Variants in BBS1 observed in about 807,000 individuals in gnomAD.
BBS1 encodes BBSome complex member BBS1.
In BBS1, 60 loss-of-function variants were observed where a neutral mutation model predicts 73.9. The ratio of observed to expected loss-of-function variants is 0.81; its 90% confidence interval spans 0.66 to 1.01. The LOEUF is 1.01. Ranked by LOEUF, BBS1 falls within the 50% of genes least tolerant of loss-of-function variation. BBS1 has a pLI of 0.00. For synonymous variants in BBS1, 283 were observed against 317.4 expected, an observed-to-expected ratio of 0.89 and a Z score of 1.15; for missense variants, 718 against 770.3, an observed-to-expected ratio of 0.93 and a Z score of 0.80.
At chr11:66,515,770 A>C (rs1565282055) in intron 6 of BBS1, 39 bp downstream of exon 6, 2 of 1,613,982 alleles carry the variant, frequency 1.2e-6, no homozygotes, top group Non-Finnish European at 1.7e-6. Context: ...GGGAGGCTCC[A>C]GGGAGAGGAA....
rs750944245 is a variant in BBS1, at chr11:66,531,941, T to C, written c.1696-10T>C. 3 of 1,580,428 alleles carry C rather than the reference T, an allele frequency of 1.9e-6. No individual in the cohort carries two copies. Among genetic ancestry groups the C allele is most frequent in the Non-Finnish European group, 2.6e-6 (3 of 1,163,730 alleles). On this transcript the variant is annotated splice_polypyrimidine_tract_variant and intron_variant, in intron 16 of 16. Transcript: ENST00000318312. ...GTATGCCCCCTGCTGCCATGGCCACTCCTCCATAGGTGCTGGTGCTTCGAG... is the reference window on the plus strand; with the variant it reads ...GTATGCCCCCTGCTGCCATGGCCACCCCTCCATAGGTGCTGGTGCTTCGAG...
chr11:66,523,921 T>C (rs757863236), intron 11 of BBS1, 39 bp downstream of exon 11: 1 of 1,610,014 alleles, frequency 6.2e-7, no homozygotes, highest in Non-Finnish European at 8.5e-7. Flanking sequence ...CACTCCTCCT[T>C]GCCCTCGTCT....
chr11:66,526,228 C>A, intron 12 of BBS1, 36 bp downstream of exon 12: 3 of 1,597,506 alleles, frequency 1.9e-6, no homozygotes, highest in South Asian at 2.2e-5. Context: ...GCTTTGAAGT[C>A]GGGAGTGAAG....
chr11:66,529,982 G>A, intron 14 of BBS1, 30 bp downstream of exon 14: 2 of 1,585,858 alleles, frequency 1.3e-6, no homozygotes, highest in Admixed American at 1.7e-5. Flanking sequence ...CAGAGTCAGG[G>A]CCAGAGGGGC....
At chr11:66,512,016 ATATGTG>A (rs1259910309) in intron 3 of BBS1, among the ~76,000 whole-genome samples, 10 of 146,910 alleles carry the variant, frequency 6.8e-5, no homozygotes, top group African/African-American at 2.5e-4. Flanking sequence ...ATATATATAT[ATATGTG>A]TATATATATG....
rs1275517627 is a variant in BBS1 at position 66,518,034 on chromosome 11, C to T, written c.592-1583C>T. ...GTGCAATGGCGCAATCTCAGCTCAT[C>T]GCAACCTCCGCCTCCTGGGTTCAAG... On this transcript the variant is annotated intron_variant, in intron 7 of 16. Transcript: ENST00000318312. Among the ~76,000 whole-genome samples the T allele has an allele frequency of 4.3e-5, 6 of 140,296 alleles. No homozygotes were observed. In the East Asian group the frequency reaches 6.7e-4, roughly 16 times the overall value. 92.0% of individuals were successfully genotyped at this position (140,296 alleles called of 152,430 possible). A position where few individuals can be genotyped will look rare whatever the true frequency, so the allele number is the denominator to read the frequency against.
chr11:66,514,714 C>T (rs757666534), intron 4 of BBS1, 36 bp downstream of exon 4: 1 of 1,603,048 alleles, frequency 6.2e-7, no homozygotes, highest in South Asian at 1.1e-5. Context: ...AACCAGAAGG[C>T]AAAGATGGCA....
At position 66,515,678 on chromosome 11, in the gene BBS1, C is replaced by T. The variant is rs752715141; in HGVS notation, c.480-15C>T. On this transcript the variant is annotated splice_polypyrimidine_tract_variant and intron_variant, in intron 5 of 16. Transcript: ENST00000318312. ...TTCTTCCATTCGGCTGCCATGCTGG[C>T]CCCTTTCCTTGCAGGGAGACGGCAG... is the stretch of plus-strand genomic sequence containing the variant. The T allele has an allele frequency of 1.9e-6, 3 of 1,614,212 alleles. No individual in the cohort carries two copies. Among genetic ancestry groups the T allele is most frequent in the South Asian group, 1.1e-5 (1 of 91,084 alleles).
intron 13 of BBS1, 197 bp downstream of exon 13, chr11:66,527,004 G>A: frequency 7.2e-6 from 11 of 1,537,556 alleles, no homozygotes; most frequent in South Asian, 1.2e-5. Flanking sequence ...AGGCTGGAAG[G>A]TGCTGTGGGT....
intron 13 of BBS1, chr11:66,527,086 T>A (rs1034322231): frequency 2.7e-6 from 4 of 1,464,024 alleles, no homozygotes; most frequent in Non-Finnish European, 2.8e-6. Context: ...ATGAGGAAAG[T>A]AGAATTTTGA....
intron 3 of BBS1, among the ~76,000 whole-genome samples, chr11:66,512,358 C>T (rs1174563201): frequency 6.6e-6 from 1 of 152,080 alleles, no homozygotes; most frequent in Non-Finnish European, 1.5e-5. Flanking sequence ...CCATGGGCAA[C>T]AACACCACAA....
chr11:66,526,923 G>A (rs770616254), intron 13 of BBS1, 116 bp downstream of exon 13: 4 of 1,602,962 alleles, frequency 2.5e-6, no homozygotes, highest in Admixed American at 3.4e-5. Flanking sequence ...GGCCAACTAG[G>A]TAGGTCACTC....
rs201490195 is a variant in BBS1, at chr11:66,512,064, GTA to G, written c.159+836_159+837del. ...TATGTATATATATGTGTATATATAT[GTA>G]TATATATATACATATATTTAATTTT... is the stretch of plus-strand genomic sequence containing the variant. On this transcript the variant is annotated intron_variant, in intron 3 of 16. Coordinates refer to ENST00000318312, the MANE Select transcript of BBS1 (RefSeq NM_024649.5). Among the ~76,000 whole-genome samples the G allele has an allele frequency of 1.9e-4, 28 of 145,024 alleles. 1 individual carries two copies. Among genetic ancestry groups the G allele is most frequent in the African/African-American group, 5.1e-4 (20 of 39,574 alleles).
In BBS1 at chr11:66,523,888, C is replaced by T; in HGVS notation, c.1110+6C>T. ...TCAATGTCATCCACACCCCGGTGAGCCCCATCTCCGGCATCTGCCACTCAC... is the reference window on the plus strand; with the variant it reads ...TCAATGTCATCCACACCCCGGTGAGTCCCATCTCCGGCATCTGCCACTCAC... On this transcript the variant is annotated splice_donor_region_variant and intron_variant, in intron 11 of 16. Transcript: ENST00000318312. 1.2e-6 allele frequency: 2 copies of T among 1,612,614 alleles called. No homozygotes were observed. The highest frequency in any genetic ancestry group is 1.7e-6 in the Non-Finnish European group (2 of 1,180,018).
intron 7 of BBS1, among the ~76,000 whole-genome samples, chr11:66,517,900 T>A (rs186357629): frequency 6.9e-5 from 10 of 144,736 alleles, no homozygotes; most frequent in Admixed American, 4.2e-4. Flanking sequence ...CCACCTTATT[T>A]AGCCTATATT....
intron 12 of BBS1, 33 bp from the exon 13 acceptor site, chr11:66,526,616 G>A (rs749707706): frequency 1.2e-6 from 2 of 1,613,962 alleles, no homozygotes; most frequent in African/African-American, 1.3e-5. Context: ...GAACTGGGGA[G>A]GACAAATCCA....
rs372897492 is a variant in BBS1, at chr11:66,533,371, C to T, written c.*1334C>T. 9.8e-5 allele frequency: 15 copies of T among 152,378 alleles called. No individual in the cohort carries two copies. The highest frequency in any genetic ancestry group is 3.6e-4 in the African/African-American group (15 of 41,590). 9.4% of individuals were successfully genotyped at this position (152,378 alleles called of 1,614,324 possible). A position where few individuals can be genotyped will look rare whatever the true frequency, so the allele number is the denominator to read the frequency against. ...ACCCAGCAGTCACTTCCAGTTCATTCAGCTATTTTTAAAATGTGCTTATAT... is the reference window on the plus strand; with the variant it reads ...ACCCAGCAGTCACTTCCAGTTCATTTAGCTATTTTTAAAATGTGCTTATAT... On this transcript the variant is annotated 3_prime_UTR_variant, in exon 17 of 17. Transcript: ENST00000318312.
At chr11:66,529,626 C>G (rs1856677364) in intron 13 of BBS1, 193 bp from the exon 14 acceptor site, 1 of 718,510 alleles carries the variant, frequency 1.4e-6, no homozygotes, top group South Asian at 1.6e-5. Flanking sequence ...TGAGAAGAGG[C>G]AGGGCGAGGC....
intron 9 of BBS1, among the ~76,000 whole-genome samples, chr11:66,521,987 G>A (rs559694336): frequency 3.3e-5 from 5 of 149,600 alleles, no homozygotes; most frequent in Admixed American, 2.0e-4. Context: ...GGAGGCCAAC[G>A]TGGGTGGATC....
Sources: gnomAD v4.1 joint callset for allele counts (sites outside exome capture counted in the v4.1 genomes callset) on GRCh38, gnomAD v4.1.1 for gene constraint, MANE v1.5 for transcripts, NCBI Gene and HGNC (gene_info 2026-07-23, HGNC 2026-07-21) for gene names.